The following LIX1L variants were observed in gnomAD, a reference collection of about 807,000 sequenced individuals.
LIX1L encodes the protein LIX1-like protein.
Under a neutral mutation model 34.0 loss-of-function variants are expected in LIX1L, and 20 were observed. The observed-to-expected ratio is 0.59, with a 90% confidence interval of 0.41 to 0.85. The LOEUF is 0.85. LIX1L is among the 40% of genes least tolerant of loss of function. The probability of loss-of-function intolerance (pLI) is 0.00; values close to 1 mark genes in which losing one functional copy is unlikely to be tolerated. For missense variants in LIX1L, 397 were observed against 447.0 expected, an observed-to-expected ratio of 0.89 and a Z score of 1.01; for synonymous variants, 170 against 187.4, an observed-to-expected ratio of 0.91 and a Z score of 0.76.
chr1:145,946,070 C>A (rs1457648046), intron 2 of LIX1L, among the ~76,000 whole-genome samples: 1 of 151,548 alleles, frequency 6.6e-6, no homozygotes, highest in Non-Finnish European at 1.5e-5. Context: ...TACCACTGCA[C>A]TCCAGCCTGG....
intron 3 of LIX1L, chr1:145,941,987 C>T (rs1388319969): frequency 1.3e-5 from 2 of 151,888 alleles, no homozygotes; most frequent in African/African-American, 2.4e-5. Flanking sequence ...GGGTTCAAGC[C>T]ATTCTCCTGC....
intron 3 of LIX1L, among the ~76,000 whole-genome samples, chr1:145,939,638 C>CTTT (rs587705670): frequency 2.3e-5 from 3 of 132,754 alleles, no homozygotes; most frequent in African/African-American, 5.5e-5. Context: ...TTTTCTTTTT[C>CTTT]TTTTTTTTTT....
chr1:145,951,043 G>A (rs1484668485), intron 1 of LIX1L, among the ~76,000 whole-genome samples: 3 of 152,126 alleles, frequency 2.0e-5, no homozygotes, highest in Non-Finnish European at 4.4e-5. Flanking sequence ...GTTCCTGCAA[G>A]CAAGGAATTT....
At chr1:145,956,412 A>T (rs1649475867) in intron 1 of LIX1L, among the ~76,000 whole-genome samples, 1 of 152,200 alleles carries the variant, frequency 6.6e-6, no homozygotes. Context: ...AATCATTTTT[A>T]GGTTATATGT....
chr1:145,951,647 G>A (rs1478384146), intron 1 of LIX1L, among the ~76,000 whole-genome samples: 1 of 152,170 alleles, frequency 6.6e-6, no homozygotes, highest in African/African-American at 2.4e-5. Context: ...GCTCTTCAAA[G>A]GTCAATACTG....
At chr1:145,943,515 T>C (rs1553758920) in intron 2 of LIX1L, among the ~76,000 whole-genome samples, 2 of 152,110 alleles carry the variant, frequency 1.3e-5, no homozygotes. Context: ...AAAGCTGACT[T>C]AAGAAGGAAA....
intron 2 of LIX1L, among the ~76,000 whole-genome samples, chr1:145,945,315 A>AAG (rs1459078849): frequency 6.6e-6 from 1 of 151,146 alleles, no homozygotes; most frequent in African/African-American, 2.4e-5. Context: ...AAAAAAAAAA[A>AAG]AAGTTTAGGC....
intron 1 of LIX1L, among the ~76,000 whole-genome samples, chr1:145,951,311 TG>T (rs1405501761): frequency 1.3e-5 from 2 of 152,180 alleles, no homozygotes; most frequent in African/African-American, 4.8e-5. Context: ...CCTCCCAAAC[TG>T]CCGGGATTAC....
rs1553759375 is a variant in LIX1L at position 145,947,584 on chromosome 1, A to G, written c.456+35T>C. 4 of 1,610,302 alleles carry G rather than the reference A, an allele frequency of 2.5e-6. No individual in the cohort carries two copies. In the African/African-American group the frequency reaches 5.3e-5, roughly 22 times the overall value. ...AGAAAGCCGTTACTAACATCTAAGC[A>G]TTTACCTTTGCTACTGCCACCTCAC... is the stretch of plus-strand genomic sequence containing the variant. On this transcript the variant is annotated intron_variant, in intron 2 of 5. Transcript: ENST00000604000.
chr1:145,933,781 A>G lies in LIX1L; in HGVS notation c.*2529T>C, dbSNP rs940237984. On this transcript the variant is annotated 3_prime_UTR_variant, in exon 6 of 6. Coordinates refer to ENST00000604000, the MANE Select transcript of LIX1L (RefSeq NM_153713.3). The stretch of plus-strand genomic sequence containing the variant: ...CATGGAATACAAACATGGGGCTTCT[A>G]CCCCAGCTCTCTTCTGATTAGTAAG... 1.3e-5 allele frequency: 2 copies of G among 151,698 alleles called. No homozygotes were observed. Among genetic ancestry groups the G allele is most frequent in the Non-Finnish European group, 2.9e-5 (2 of 67,952 alleles). The allele number at this position is 151,698 out of a possible 1,614,324, so 9.4% of individuals were successfully genotyped here.
chr1:145,953,696 C>G (rs1553760050), intron 1 of LIX1L, among the ~76,000 whole-genome samples: 1 of 152,146 alleles, frequency 6.6e-6, no homozygotes, highest in Non-Finnish European at 1.5e-5. Flanking sequence ...TTTAAATGAT[C>G]TGAGATGGGG....
chr1:145,938,001 G>A (rs1453398830), intron 3 of LIX1L, among the ~76,000 whole-genome samples: 6 of 151,812 alleles, frequency 4.0e-5, no homozygotes, highest in African/African-American at 1.5e-4. Flanking sequence ...GGTAGTGGGT[G>A]CCTGTAAATC....
chr1:145,937,739 C>T (rs782329654), intron 3 of LIX1L, 40 bp from the exon 4 acceptor site: 8 of 1,215,186 alleles, frequency 6.6e-6, no homozygotes, highest in Admixed American at 3.4e-5. Context: ...AGATTTTCAA[C>T]CAGGATTATC....
intron 1 of LIX1L, among the ~76,000 whole-genome samples, chr1:145,957,346 G>A (rs2101912302): frequency 6.6e-6 from 1 of 152,350 alleles, no homozygotes; most frequent in South Asian, 2.1e-4. Context: ...AAGGTATTAA[G>A]CTGGAGGAGG....
In LIX1L at chr1:145,937,660, C is replaced by T; in HGVS notation, c.637G>A (p.Gly213Ser). ...GATTCCAGCATGAATCGGAAGGCAC[C>T]AATCCCTGTATTTGGGTTGTCAGCT... ...EEADNPNTGI[G>S]AFRFMLESNK... The change falls in exon 4 of 6, where the codon GGT (glycine) becomes AGT (serine). Residue 213 changes from glycine (G) to serine (S), a missense_variant. By Grantham distance (56) the Gly-to-Ser change is moderately conservative. Around this residue, in one of 3 missense-constraint regions of LIX1L, gnomAD observed 174 missense variants for 204.0 expected, o/e 0.85. Transcript: ENST00000604000. 3 of 1,613,794 alleles carry T rather than the reference C, an allele frequency of 1.9e-6. No homozygotes were observed. Among genetic ancestry groups the T allele is most frequent in the Admixed American group, 1.7e-5 (1 of 60,012 alleles).
intron 1 of LIX1L, among the ~76,000 whole-genome samples, chr1:145,949,480 T>C (rs1311217894): frequency 6.6e-6 from 1 of 152,006 alleles, no homozygotes; most frequent in Non-Finnish European, 1.5e-5. Context: ...CATATGGCTA[T>C]GAAAGAGTGA....
intron 3 of LIX1L, among the ~76,000 whole-genome samples, chr1:145,940,524 T>TTGTA (rs782221034): frequency 4.5e-4 from 66 of 145,394 alleles, no homozygotes; most frequent in African/African-American, 1.7e-3. Context: ...TTTTTGTATT[T>TTGTA]TTTCTTTTTT....
In LIX1L at chr1:145,957,912, C is replaced by T; in HGVS notation, c.16G>A (p.Ala6Thr). ...CCCACACCAGGCTGCAGCCGCTGCG[C>T]TCGCATAGTCTCCATCCCGGCCGCC... METMR[A>T]QRLQPGVGTS... Residue 6 changes from alanine to threonine, a missense_variant, in exon 1 of 6, where the codon GCG becomes ACG. By Grantham distance (58) the Ala-to-Thr change is moderately conservative. This residue lies in a region of LIX1L where 207 missense variants were observed against 205.2 expected (regional missense o/e 1.01). Coordinates refer to ENST00000604000, the MANE Select transcript of LIX1L (RefSeq NM_153713.3). 6.7e-7 allele frequency: 1 copy of T among 1,488,006 alleles called. No individual in the cohort carries two copies. The highest frequency in any genetic ancestry group is 8.9e-7 in the Non-Finnish European group (1 of 1,122,922). 92.2% of individuals were successfully genotyped at this position (1,488,006 alleles called of 1,614,324 possible).
intron 1 of LIX1L, among the ~76,000 whole-genome samples, chr1:145,954,749 A>T (rs1553760196): frequency 6.6e-6 from 1 of 152,252 alleles, no homozygotes; most frequent in Non-Finnish European, 1.5e-5. Flanking sequence ...TATCATTTGC[A>T]GTTTCCAAAG....
Sources: gnomAD v4.1 joint callset for allele counts (sites outside exome capture counted in the v4.1 genomes callset) on GRCh38, gnomAD v4.1.1 for gene constraint, gnomAD v4.1.1 regional missense constraint, MANE v1.5 for transcripts, NCBI Gene and HGNC (gene_info 2026-07-23, HGNC 2026-07-21) for gene names.